DLGAP2: variants seen among roughly 807,000 people sequenced by gnomAD.
The protein encoded by DLGAP2 is disks large-associated protein 2.
A neutral mutation model predicts 100.3 loss-of-function variants in DLGAP2; 26 were observed. That is an observed-to-expected ratio of 0.26 (90% confidence interval 0.19 to 0.36). The LOEUF (loss-of-function observed/expected upper bound fraction) is 0.36. DLGAP2 is among the 10% of genes least tolerant of loss of function. The probability of loss-of-function intolerance (pLI) is 1.00; values close to 1 mark genes in which losing one functional copy is unlikely to be tolerated. For synonymous variants in DLGAP2, 886 were observed against 630.1 expected (o/e 1.41, Z -6.08); for missense variants, 1,858 against 1,453.2 (o/e 1.28, Z -4.53).
At chr8:1,038,846 A>G (rs1197408622) in intron 2 of DLGAP2, among the ~76,000 whole-genome samples, 3 of 152,212 alleles carry the variant, frequency 2.0e-5, no homozygotes, top group Admixed American at 2.0e-4. Flanking sequence ...TCGGAAAATC[A>G]AGTTGTGTGA....
chr8:1,036,066 C>T (rs368790164), intron 2 of DLGAP2, among the ~76,000 whole-genome samples: 1 of 131,820 alleles, frequency 7.6e-6, no homozygotes, highest in East Asian at 2.5e-4. Context: ...CGCGTGTCAC[C>T]GCGAGTGGGT....
intron 3 of DLGAP2, among the ~76,000 whole-genome samples, chr8:1,440,233 A>G (rs1797790741): frequency 6.6e-6 from 1 of 152,190 alleles, no homozygotes; most frequent in Admixed American, 6.5e-5. Context: ...TGTGGTATAA[A>G]TCGGGTATCT....
chr8:1,209,588 A>G lies in DLGAP2; in HGVS notation c.74-49263A>G, dbSNP rs367590398. The stretch of plus-strand genomic sequence containing the variant: ...TCCTATGTTGAAGCCCAAACTCCCA[A>G]TGTGATGGTATTTGGAGATGGGGTT... On this transcript the variant is annotated intron_variant, in intron 2 of 14. Transcript: ENST00000637795. Among the ~76,000 whole-genome samples the G allele has an allele frequency of 3.9e-5, 6 of 152,154 alleles. No homozygotes were observed. In the East Asian group the frequency reaches 1.2e-3, roughly 29 times the overall value.
intron 4 of DLGAP2, among the ~76,000 whole-genome samples, 180 bp from the exon 5 acceptor site, chr8:1,548,446 G>T (rs529819169): frequency 8.0e-6 from 1 of 125,256 alleles, no homozygotes; most frequent in Non-Finnish European, 1.6e-5. Flanking sequence ...GCGACAGAGC[G>T]AGACTGTCTC....
At chr8:1,492,306 CCTAA>C (rs1554483080) in intron 3 of DLGAP2, among the ~76,000 whole-genome samples, 1 of 152,214 alleles carries the variant, frequency 6.6e-6, no homozygotes, top group Non-Finnish European at 1.5e-5. Flanking sequence ...ATGTCATTGT[CCTAA>C]CGGAGCAGAA....
At position 1,641,022 on chromosome 8, in the gene DLGAP2, C is replaced by G. The variant is rs567678638; in HGVS notation, c.1810+7976C>G. On this transcript the variant is annotated intron_variant, in intron 8 of 14. Transcript: ENST00000637795. The stretch of plus-strand genomic sequence containing the variant: ...TGCGGAGAGGAGGGAGACCCAAGCT[C>G]TCCTGGCTGTGGGGAAGGAGAAGCC... Among the ~76,000 whole-genome samples, 291 of 152,224 alleles carry G rather than the reference C, an allele frequency of 1.9e-3. 1 individual carries two copies. Among genetic ancestry groups the G allele is most frequent in the Non-Finnish European group, 3.7e-3 (255 of 68,026 alleles).
intron 2 of DLGAP2, among the ~76,000 whole-genome samples, chr8:922,937 A>T (rs1584892240): frequency 6.6e-6 from 1 of 152,252 alleles, no homozygotes; most frequent in East Asian, 1.9e-4. Flanking sequence ...GGAGTTTTGG[A>T]ATATAGAGGG....
intron 1 of DLGAP2, among the ~76,000 whole-genome samples, chr8:844,399 T>A (rs1432422225): frequency 1.3e-5 from 2 of 152,214 alleles, no homozygotes; most frequent in Non-Finnish European, 2.9e-5. Flanking sequence ...CAAAGAAATA[T>A]TGGTAGACGA....
chr8:1,565,363 C>A, intron 5 of DLGAP2: 1 of 253,220 alleles, frequency 3.9e-6, no homozygotes, highest in Non-Finnish European at 7.4e-6. Context: ...TCCTCTTATA[C>A]CAGAGGGAAA....
At position 1,614,943 on chromosome 8, in the gene DLGAP2, G is replaced by A. The variant is rs141028084; in HGVS notation, c.1443-11797G>A. Among the ~76,000 whole-genome samples, 460 of 152,340 alleles carry A rather than the reference G, an allele frequency of 3.0e-3. 4 individuals are homozygous for A. The highest frequency in any genetic ancestry group is 0.01 in the African/African-American group (431 of 41,582). On this transcript the variant is annotated intron_variant, in intron 6 of 14. Transcript: ENST00000637795. Reference sequence around the variant, plus strand: ...ACTATTCACATTTTAAAGGAAAGGCGCCGCGCTCACTCGCGGCTGCCCATG... The same window carrying A: ...ACTATTCACATTTTAAAGGAAAGGCACCGCGCTCACTCGCGGCTGCCCATG...
At chr8:890,469 C>T (rs1193502552) in intron 1 of DLGAP2, among the ~76,000 whole-genome samples, 1 of 151,972 alleles carries the variant, frequency 6.6e-6, no homozygotes, top group African/African-American at 2.4e-5. Flanking sequence ...GGGATGTGCG[C>T]TGTCTTCCCT....
At chr8:1,551,413 GC>G (rs1189842322) in intron 5 of DLGAP2, among the ~76,000 whole-genome samples, 1 of 152,114 alleles carries the variant, frequency 6.6e-6, no homozygotes, top group Non-Finnish European at 1.5e-5. Flanking sequence ...TCCAGGTTTT[GC>G]CCCAGGGTCA....
At chr8:745,509 T>G (rs1363626335) in intron 1 of DLGAP2, among the ~76,000 whole-genome samples, 2 of 152,236 alleles carry the variant, frequency 1.3e-5, no homozygotes, top group Admixed American at 1.3e-4. Flanking sequence ...AATGATATTT[T>G]CTCAAGAGTC....
intron 1 of DLGAP2, among the ~76,000 whole-genome samples, chr8:895,589 C>G (rs144585167): frequency 6.6e-6 from 1 of 152,154 alleles, no homozygotes; most frequent in East Asian, 1.9e-4. Context: ...GGCCCTTTAA[C>G]GATGAAATGT....
intron 2 of DLGAP2, among the ~76,000 whole-genome samples, chr8:1,022,798 C>A (rs752342106): frequency 6.6e-6 from 1 of 151,758 alleles, no homozygotes; most frequent in Non-Finnish European, 1.5e-5. Context: ...GACACTCCAG[C>A]CGCCACCCAT....
rs188253202 is a variant in DLGAP2 at position 1,513,473 on chromosome 8, G to A, written c.172+12042G>A. ...TCCCTGGGAACAGCTGGTGGGAGCG[G>A]TGCAAGCACAGCCCAGCTCAGAGGG... On this transcript the variant is annotated intron_variant, in intron 4 of 14. Coordinates refer to ENST00000637795, the MANE Select transcript of DLGAP2 (RefSeq NM_001346810.2). 6.6e-5 allele frequency among the ~76,000 whole-genome samples: 10 copies of A among 152,364 alleles called. No individual in the cohort carries two copies. In the East Asian group the frequency reaches 1.9e-3, roughly 29 times the overall value.
At chr8:1,062,609 G>A (rs1049050698) in intron 2 of DLGAP2, among the ~76,000 whole-genome samples, 6 of 152,176 alleles carry the variant, frequency 3.9e-5, no homozygotes, top group African/African-American at 1.2e-4. Flanking sequence ...CCCAATAGCC[G>A]CTTTCCCTCG....
chr8:1,412,986 C>G (rs1017215322), intron 3 of DLGAP2, among the ~76,000 whole-genome samples: 2 of 152,184 alleles, frequency 1.3e-5, no homozygotes, highest in African/African-American at 4.8e-5. Context: ...ACTTGCCCTT[C>G]CTGACCACAG....
chr8:772,187 C>A (rs1468260219), intron 1 of DLGAP2, among the ~76,000 whole-genome samples: 1 of 152,142 alleles, frequency 6.6e-6, no homozygotes, highest in East Asian at 1.9e-4. Context: ...AGGCATCAGC[C>A]ACTGTGCCCA....
Sources: allele counts gnomAD v4.1 joint callset (sites outside exome capture counted in the v4.1 genomes callset), GRCh38; gene constraint gnomAD v4.1.1; transcripts MANE v1.5; gene names NCBI Gene and HGNC (gene_info 2026-07-23, HGNC 2026-07-21).